Variants in MCM9 observed in about 807,000 individuals in gnomAD.
MCM9 encodes the protein minichromosome maintenance 9 homologous recombination repair factor, also known as DNA helicase MCM9.
Under a neutral mutation model 72.8 loss-of-function variants are expected in MCM9, and 55 were observed. That is an observed-to-expected ratio of 0.76 (90% CI 0.61 to 0.95). The LOEUF (loss-of-function observed/expected upper bound fraction) is 0.95, where lower values mean the gene tolerates loss of function less well. Among genes scored for constraint, MCM9 ranks in the 40% least tolerant of loss-of-function variants. The probability of loss-of-function intolerance (pLI) is 0.00; values close to 1 mark genes in which losing one functional copy is unlikely to be tolerated. For missense variants in MCM9, 1,279 were observed against 1,377.0 expected, an observed-to-expected ratio of 0.93 and a Z score of 1.13; for synonymous variants, 480 against 503.4, an observed-to-expected ratio of 0.95 and a Z score of 0.62.
chr6:118,854,063 GAAATT>G (rs1176595961), intron 9 of MCM9, among the ~76,000 whole-genome samples: 3 of 152,160 alleles, frequency 2.0e-5, no homozygotes, highest in African/African-American at 7.2e-5. Flanking sequence ...CTAGCAAACA[GAAATT>G]AATATTTATA....
At chr6:118,919,174 A>C (rs1208051089) in intron 5 of MCM9, 2 of 152,184 alleles carry the variant, frequency 1.3e-5, no homozygotes, top group Non-Finnish European at 2.9e-5. Flanking sequence ...AAACTAGTTA[A>C]ATGAGGAACT....
intron 8 of MCM9, among the ~76,000 whole-genome samples, chr6:118,901,482 A>G (rs1779795713): frequency 6.6e-6 from 1 of 152,194 alleles, no homozygotes; most frequent in Non-Finnish European, 1.5e-5. Flanking sequence ...TACTTTTGCA[A>G]ATTTACTACC....
At chr6:118,857,626 CAA>C (rs1203197065) in intron 8 of MCM9, among the ~76,000 whole-genome samples, 5,831 of 70,552 alleles carry the variant, frequency 0.083, 88 homozygotes, top group East Asian at 0.22. Context: ...CCAGACTGAC[CAA>C]AAAAAAAAAA....
chr6:118,885,833 C>T (rs1583540628), intron 8 of MCM9, among the ~76,000 whole-genome samples: 1 of 152,024 alleles, frequency 6.6e-6, no homozygotes, highest in African/African-American at 2.4e-5. Context: ...GTATTGCCCA[C>T]AGACCAAAAA....
At chr6:118,899,020 C>A (rs527554537) in intron 8 of MCM9, among the ~76,000 whole-genome samples, 1 of 152,254 alleles carries the variant, frequency 6.6e-6, no homozygotes, top group Non-Finnish European at 1.5e-5. Context: ...GATTGCTCCC[C>A]TACCCCACAT....
At position 118,840,740 on chromosome 6, in the gene MCM9, C is replaced by G. The variant is rs376527870; in HGVS notation, c.1326-11490G>C. Among the ~76,000 whole-genome samples, 107 of 108,174 alleles carry G rather than the reference C, an allele frequency of 9.9e-4. 1 individual carries two copies. Among genetic ancestry groups the G allele is most frequent in the East Asian group, 5.2e-3 (16 of 3,054 alleles). The allele number at this position is 108,174 out of a possible 152,430, so 71.0% of individuals were successfully genotyped here. A position where few individuals can be genotyped will look rare whatever the true frequency, so the allele number is the denominator to read the frequency against. On this transcript the variant is annotated intron_variant, in intron 9 of 13. Transcript: ENST00000619706. ...GTACATATATTCTCTCCTCCCCCCC[C>G]CCTTTTTTTTTTTTTGAGACAGGGT...
chr6:118,911,048 T>G, intron 8 of MCM9: 1 of 983,648 alleles, frequency 1.0e-6, no homozygotes, highest in Non-Finnish European at 1.2e-6. Flanking sequence ...ACATATTTTT[T>G]AAAATAATTT....
rs536341615 is a variant in MCM9 at position 118,849,989 on chromosome 6, T to C, written c.1325+6382A>G. Among the ~76,000 whole-genome samples, 4 of 152,068 alleles carry C rather than the reference T, an allele frequency of 2.6e-5. No homozygotes were observed. The East Asian group carries it at 7.7e-4, about 29-fold the overall frequency. ...GGATACGAATGTGATTTCTTTTGCATGTCTTTTTATATAGGTTTGACTTTG... is the reference window on the plus strand; with the variant it reads ...GGATACGAATGTGATTTCTTTTGCACGTCTTTTTATATAGGTTTGACTTTG... On this transcript the variant is annotated intron_variant, in intron 9 of 13. Coordinates refer to ENST00000619706, the MANE Select transcript of MCM9 (RefSeq NM_017696.3).
At chr6:118,883,922 C>G (rs1778448222) in intron 8 of MCM9, among the ~76,000 whole-genome samples, 1 of 152,042 alleles carries the variant, frequency 6.6e-6, no homozygotes. Flanking sequence ...AATTATGTAA[C>G]TAGAAAAAAC....
intron 3 of MCM9, 61 bp downstream of exon 3, chr6:118,931,359 G>T: frequency 7.5e-7 from 1 of 1,324,980 alleles, no homozygotes; most frequent in Non-Finnish European, 1.0e-6. Context: ...TCTAAATCTA[G>T]TATATTTTCT....
chr6:118,855,487 T>C (rs942923560), intron 9 of MCM9, among the ~76,000 whole-genome samples: 3 of 152,154 alleles, frequency 2.0e-5, no homozygotes, highest in Admixed American at 6.6e-5. Context: ...CTTTCTTGTA[T>C]CTTTTCTGGT....
At chr6:118,869,192 T>C (rs916647927) in intron 8 of MCM9, among the ~76,000 whole-genome samples, 3 of 151,994 alleles carry the variant, frequency 2.0e-5, no homozygotes, top group African/African-American at 4.8e-5. Flanking sequence ...TTCTCACTCA[T>C]AGGTGGGAAC....
chr6:118,877,276 G>A (rs1408372446), intron 8 of MCM9, among the ~76,000 whole-genome samples: 1 of 152,212 alleles, frequency 6.6e-6, no homozygotes, highest in Non-Finnish European at 1.5e-5. Context: ...CCAAATTGCA[G>A]ATCTGTAAAC....
chr6:118,816,154 A>G lies in MCM9; in HGVS notation c.2102T>C (p.Ile701Thr), dbSNP rs1773396013. ...SQQEINYSTH[I>T]FSPGGSPEGS... ...CTCGGGGCTGCCTCCAGGAGAGAAG[A>G]TATGTGTGCTATAGTTGATTTCCTG... The change falls in exon 14 of 14, where the codon ATC (isoleucine) becomes ACC (threonine). Residue 701 changes from isoleucine (I) to threonine (T), a missense_variant. Physicochemically the swap from Ile to Thr is moderately conservative, Grantham distance 89. Coordinates refer to ENST00000619706, the MANE Select transcript of MCM9 (RefSeq NM_017696.3). 1.3e-6 allele frequency: 2 copies of G among 1,550,458 alleles called. No individual in the cohort carries two copies. The highest frequency in any genetic ancestry group is 1.7e-6 in the Non-Finnish European group (2 of 1,146,932).
At chr6:118,846,115 A>G (rs1225590450) in intron 9 of MCM9, among the ~76,000 whole-genome samples, 1 of 151,926 alleles carries the variant, frequency 6.6e-6, no homozygotes, top group African/African-American at 2.4e-5. Context: ...AGAAAGAATA[A>G]CTTTAAAAAA....
chr6:118,841,211 A>G (rs1019584578), intron 9 of MCM9, among the ~76,000 whole-genome samples: 5 of 152,224 alleles, frequency 3.3e-5, no homozygotes, highest in African/African-American at 9.6e-5. Flanking sequence ...TAAACTCTCA[A>G]AGTACATGGT....
At chr6:118,881,699 T>A (rs1778297435) in intron 8 of MCM9, among the ~76,000 whole-genome samples, 1 of 152,232 alleles carries the variant, frequency 6.6e-6, no homozygotes, top group African/African-American at 2.4e-5. Flanking sequence ...GACATCCTCC[T>A]CACTGAAGCA....
chr6:118,878,928 C>A (rs1233416723), intron 8 of MCM9, among the ~76,000 whole-genome samples: 3 of 151,928 alleles, frequency 2.0e-5, no homozygotes, highest in Non-Finnish European at 4.4e-5. Context: ...AGGTGGCACA[C>A]ACCTGTAGTC....
intron 8 of MCM9, among the ~76,000 whole-genome samples, chr6:118,864,998 C>T (rs1777131286): frequency 6.6e-6 from 1 of 152,188 alleles, no homozygotes; most frequent in African/African-American, 2.4e-5. Context: ...TATAGCTTGG[C>T]TGACAGCCTA....
Sources: allele counts gnomAD v4.1 joint callset (sites outside exome capture counted in the v4.1 genomes callset), GRCh38; gene constraint gnomAD v4.1.1; transcripts MANE v1.5; gene names NCBI Gene and HGNC (gene_info 2026-07-23, HGNC 2026-07-21).